The following TPRG1 variants were observed in gnomAD, a reference collection of about 807,000 sequenced individuals.
TPRG1 encodes the protein tumor protein p63-regulated gene 1 protein.
In TPRG1, 29 loss-of-function variants were observed where a neutral mutation model predicts 29.3. The ratio of observed to expected loss-of-function variants is 0.99; its 90% confidence interval spans 0.74 to 1.35. The LOEUF is 1.35. TPRG1 is among the 40% of genes most tolerant of loss of function. TPRG1 has a pLI of 0.00. For synonymous variants in TPRG1, 130 were observed against 116.8 expected, an observed-to-expected ratio of 1.11 and a Z score of -0.73; for missense variants, 327 against 335.0, an observed-to-expected ratio of 0.98 and a Z score of 0.19.
intron 3 of TPRG1, chr3:189,217,891 G>A: frequency 1.0e-6 from 1 of 985,280 alleles, no homozygotes; most frequent in Non-Finnish European, 1.2e-6. Flanking sequence ...CCAAGGCAGG[G>A]AAAGGCAAAA....
In TPRG1 at chr3:189,050,188, G is replaced by A. The variant is rs9830883; in HGVS notation, c.-463+26242G>A. ...GAGAAATAAAATTGATAGACCATTG[G>A]CAAGATTAACCGAGAAAAGAAGAGA... On this transcript the variant is annotated intron_variant, in intron 4 of 10. Coordinates refer to the TPRG1 transcript ENST00000433971. Among the ~76,000 whole-genome samples, 329 of 152,024 alleles carry A rather than the reference G, an allele frequency of 2.2e-3. 2 individuals are homozygous for A. Among genetic ancestry groups the A allele is most frequent in the African/African-American group, 7.7e-3 (320 of 41,450 alleles).
Position 189,321,065 on chromosome 3 carries a change from T to TG in TPRG1, c.*245_*246insG, listed in dbSNP as rs1362392450. 1 of 327,442 alleles carries TG rather than the reference T, an allele frequency of 3.1e-6. No homozygotes were observed. Among genetic ancestry groups the TG allele is most frequent in the Admixed American group, 4.8e-5 (1 of 20,622 alleles). 20.3% of individuals were successfully genotyped at this position (327,442 alleles called of 1,614,324 possible). On this transcript the variant is annotated 3_prime_UTR_variant, in exon 6 of 6. Transcript: ENST00000345063. ...AATAAATGCTGCTGAGCCTATCAAA[T>TG]ACTGTTATCAAATGAGTGCCTGATC...
chr3:189,111,636 A>G lies in TPRG1; in HGVS notation c.-744+11432A>G, dbSNP rs567168281. Reference sequence around the variant, plus strand: ...TCAACTTATGATATTTTTTATTAAAATAGACATTTCAGGATGTAACTTCAT... The same window carrying G: ...TCAACTTATGATATTTTTTATTAAAGTAGACATTTCAGGATGTAACTTCAT... On this transcript the variant is annotated intron_variant, in intron 1 of 6. Transcript: ENST00000412373. 2.6e-5 allele frequency among the ~76,000 whole-genome samples: 4 copies of G among 152,302 alleles called. No individual in the cohort carries two copies. The East Asian group carries it at 7.7e-4, about 29-fold the overall frequency.
chr3:189,082,225 T>C (rs1296891161), intron 4 of TPRG1, among the ~76,000 whole-genome samples: 2 of 152,128 alleles, frequency 1.3e-5, no homozygotes, highest in African/African-American at 4.8e-5. Context: ...CTATTTGAAA[T>C]GAGAAAACCT....
chr3:189,026,831 G>A (rs1027751234), intron 4 of TPRG1, among the ~76,000 whole-genome samples: 4 of 152,164 alleles, frequency 2.6e-5, no homozygotes, highest in African/African-American at 9.7e-5. Flanking sequence ...ATTGAAAGAC[G>A]AAGGAGTAAG....
chr3:189,303,516 A>G lies in TPRG1; in HGVS notation c.480-6870A>G, dbSNP rs547537214. Among the ~76,000 whole-genome samples, 6 of 152,296 alleles carry G rather than the reference A, an allele frequency of 3.9e-5. 1 individual carries two copies. In the South Asian group the frequency reaches 1.2e-3, roughly 32 times the overall value. On this transcript the variant is annotated intron_variant, in intron 4 of 5. Coordinates refer to ENST00000345063, the MANE Select transcript of TPRG1 (RefSeq NM_198485.4). ...TCTAAACCACAAAGAAAGTGACTAT[A>G]AATGCAAGGATTTGAACCACATTTT...
chr3:189,056,949 T>G (rs1044333204), intron 4 of TPRG1, among the ~76,000 whole-genome samples: 23 of 152,208 alleles, frequency 1.5e-4, no homozygotes, highest in African/African-American at 5.5e-4. Context: ...CCACTGTACA[T>G]CCAGTGCTCT....
At chr3:189,125,813 TTGTGTGTGTGTGTGTG>T (rs751689409) in intron 1 of TPRG1, among the ~76,000 whole-genome samples, 6,142 of 124,142 alleles carry the variant, frequency 0.049, 168 homozygotes, top group Non-Finnish European at 0.057. Context: ...GCAGGGTGTT[TTGTGTGTGTGTGTGTG>T]TGTGTGTGTG....
chr3:189,215,046 A>G (rs976940108), intron 2 of TPRG1, among the ~76,000 whole-genome samples: 4 of 151,684 alleles, frequency 2.6e-5, no homozygotes, highest in Middle Eastern at 3.2e-3. Flanking sequence ...GTCTTCATTT[A>G]TATAATTAAA....
At chr3:189,315,587 T>TA (rs1422677145) in intron 5 of TPRG1, 3 of 432,692 alleles carry the variant, frequency 6.9e-6, no homozygotes, top group African/African-American at 4.1e-5. Context: ...CATCATGATC[T>TA]ACAGACCAAC....
intron 4 of TPRG1, among the ~76,000 whole-genome samples, chr3:189,274,132 A>G (rs571591212): frequency 5.4e-5 from 8 of 149,364 alleles, no homozygotes; most frequent in African/African-American, 1.7e-4. Context: ...TCACTGATCC[A>G]TGGAGTGATT....
intron 4 of TPRG1, among the ~76,000 whole-genome samples, chr3:189,080,080 T>C (rs1269826098): frequency 6.6e-6 from 1 of 152,190 alleles, no homozygotes; most frequent in African/African-American, 2.4e-5. Flanking sequence ...AGTCAGTATA[T>C]AATGAAGGGC....
At chr3:189,094,798 G>C (rs1718566974) in intron 4 of TPRG1, among the ~76,000 whole-genome samples, 2 of 152,152 alleles carry the variant, frequency 1.3e-5, no homozygotes, top group South Asian at 4.1e-4. Context: ...TGATGGGGGA[G>C]GTGAGAGAAC....
intron 4 of TPRG1, among the ~76,000 whole-genome samples, chr3:189,284,458 G>T (rs1273290237): frequency 5.4e-5 from 8 of 148,546 alleles, no homozygotes; most frequent in African/African-American, 7.5e-5. Flanking sequence ...TGTGGTGTTT[G>T]GTTTTTTGTC....
chr3:189,051,041 T>C (rs112149524), intron 4 of TPRG1, among the ~76,000 whole-genome samples: 1,664 of 152,128 alleles, frequency 0.011, 39 homozygotes, highest in African/African-American at 0.039. Flanking sequence ...GGATGCCCAC[T>C]CTCACCACTC....
In TPRG1 at chr3:189,172,015, G is replaced by A. The variant is rs1238343135; in HGVS notation, c.-126G>A. The stretch of plus-strand genomic sequence containing the variant: ...TCAGACTGAGTGGGGTCACAGCACA[G>A]GGCACTGTCTTGCCTGGCTTTATCT... On this transcript the variant is annotated 5_prime_UTR_variant, in exon 1 of 6. Coordinates refer to ENST00000345063, the MANE Select transcript of TPRG1 (RefSeq NM_198485.4). 2 of 152,202 alleles carry A rather than the reference G, an allele frequency of 1.3e-5. No homozygotes were observed. Among genetic ancestry groups the A allele is most frequent in the Admixed American group, 6.5e-5 (1 of 15,282 alleles). 9.4% of individuals were successfully genotyped at this position (152,202 alleles called of 1,614,324 possible).
intron 4 of TPRG1, among the ~76,000 whole-genome samples, chr3:189,296,524 A>C (rs1202205553): frequency 6.6e-6 from 1 of 152,208 alleles, no homozygotes; most frequent in Non-Finnish European, 1.5e-5. Context: ...GGATGAACAG[A>C]AGGAGGGTGT....
At chr3:189,189,303 G>T (rs1731364088) in intron 1 of TPRG1, among the ~76,000 whole-genome samples, 1 of 151,748 alleles carries the variant, frequency 6.6e-6, no homozygotes. Flanking sequence ...AAATGCCATA[G>T]ATATCTTTCT....
intron 1 of TPRG1, among the ~76,000 whole-genome samples, chr3:189,112,952 T>C (rs560574157): frequency 2.2e-4 from 34 of 152,304 alleles, no homozygotes; most frequent in Admixed American, 1.8e-3. Context: ...ATTGAATCTA[T>C]AAATTACCTT....
Sources: allele counts gnomAD v4.1 joint callset (sites outside exome capture counted in the v4.1 genomes callset), GRCh38; gene constraint gnomAD v4.1.1; transcripts MANE v1.5; gene names NCBI Gene and HGNC (gene_info 2026-07-23, HGNC 2026-07-21).